Variants in GJD3 observed in about 807,000 individuals in gnomAD.
The protein encoded by GJD3 is gap junction delta-3 protein.
For synonymous variants in GJD3, 217 were observed against 226.7 expected (o/e 0.96, Z 0.38); for missense variants, 421 against 448.5 (o/e 0.94, Z 0.55).
rs766559789 is a variant in GJD3 at position 40,363,656 on chromosome 17, A to T, written c.160T>A (p.Cys54Ser). Residue 54 changes from cysteine to serine, a missense_variant, in exon 1 of 1, where the codon TGC becomes AGC. Coordinates refer to ENST00000578689, the MANE Select transcript of GJD3 (RefSeq NM_152219.4). The surrounding 1 kb of genome is among the most constrained non-coding windows in gnomAD (Gnocchi z 5.5). ...VFEDEQEEFV[C>S]NTLQPGCRQT... ...CGACAGCCCGGCTGCAGCGTGTTGC[A>T]CACGAACTCCTCTTGCTCGTCCTCG... 10 of 1,608,112 alleles carry T rather than the reference A, an allele frequency of 6.2e-6. No individual in the cohort carries two copies. The highest frequency in any genetic ancestry group is 1.7e-5 in the Admixed American group (1 of 59,484).
Position 40,363,176 on chromosome 17 carries a change from A to C in GJD3, c.640T>G (p.Trp214Gly). The C allele has an allele frequency of 6.9e-7, 1 of 1,440,808 alleles. No homozygotes were observed. Among genetic ancestry groups the C allele is most frequent in the Non-Finnish European group, 9.1e-7 (1 of 1,095,170 alleles). The allele number at this position is 1,440,808 out of a possible 1,614,324, so 89.3% of individuals were successfully genotyped here. The change falls in exon 1 of 1, where the codon TGG becomes GGG. Residue 214 changes from tryptophan (W) to glycine (G), a missense_variant. Coordinates refer to ENST00000578689, the MANE Select transcript of GJD3 (RefSeq NM_152219.4). The surrounding 1 kb of genome is among the most constrained non-coding windows in gnomAD (Gnocchi z 5.5). The stretch of plus-strand genomic sequence containing the variant: ...TCCCCGGCGCGCGGGCGGCCCTTCC[A>C]GAGCAGGTGGCCCAGCTCGGCTACG... ...LSVAELGHLL[W>G]KGRPRAGERD...
At position 40,361,655 on chromosome 17, in the gene GJD3, G is replaced by C. The variant is rs534316841; in HGVS notation, c.*1276C>G. ...CAGACGGGAGGGGAGACACAGGAGG[G>C]GGATGCGCTGCATAGGCAGCAGCTC... On this transcript the variant is annotated 3_prime_UTR_variant, in exon 1 of 1. Coordinates refer to ENST00000578689, the MANE Select transcript of GJD3 (RefSeq NM_152219.4). Among the ~76,000 whole-genome samples the C allele has an allele frequency of 1.2e-4, 19 of 152,306 alleles. No homozygotes were observed. Among genetic ancestry groups the C allele is most frequent in the African/African-American group, 4.3e-4 (18 of 41,572 alleles).
Position 40,364,051 on chromosome 17 carries a change from G to T in GJD3, c.-236C>A. 1.9e-6 allele frequency: 1 copy of T among 529,010 alleles called. No individual in the cohort carries two copies. The allele number at this position is 529,010 out of a possible 1,614,324, so 32.8% of individuals were successfully genotyped here. On this transcript the variant is annotated 5_prime_UTR_variant, in exon 1 of 1. Coordinates refer to ENST00000578689, the MANE Select transcript of GJD3 (RefSeq NM_152219.4). ...TACCTTCTCTTTGGGACCGATGGGT[G>T]CTGGGGAGGATCCCCCATTTGCATT...
At position 40,360,877 on chromosome 17, in the gene GJD3, A is replaced by G. The variant is rs1037414672; in HGVS notation, c.*2054T>C. The G allele has an allele frequency of 1.0e-4, 40 of 399,696 alleles. No homozygotes were observed. Among genetic ancestry groups the G allele is most frequent in the African/African-American group, 2.9e-4 (14 of 48,484 alleles). 24.8% of individuals were successfully genotyped at this position (399,696 alleles called of 1,614,324 possible). A position where few individuals can be genotyped will look rare whatever the true frequency, so the allele number is the denominator to read the frequency against. On this transcript the variant is annotated 3_prime_UTR_variant, in exon 1 of 1. Coordinates refer to ENST00000578689, the MANE Select transcript of GJD3 (RefSeq NM_152219.4). ...GGGTTGTGGACACAGAACTGTCATC[A>G]GAGAGATGGTGCCCACCATAGCATG...
chr17:40,361,517 G>A lies in GJD3; in HGVS notation c.*1414C>T, dbSNP rs1181728219. Reference sequence around the variant, plus strand: ...ATGGCGGGGAACGCACAGCCTGGTAGGCAGGATGCGGTGAGGCCCGCAAGG... The same window carrying A: ...ATGGCGGGGAACGCACAGCCTGGTAAGCAGGATGCGGTGAGGCCCGCAAGG... On this transcript the variant is annotated 3_prime_UTR_variant, in exon 1 of 1. Transcript: ENST00000578689. Among the ~76,000 whole-genome samples, 3 of 152,226 alleles carry A rather than the reference G, an allele frequency of 2.0e-5. No homozygotes were observed. In the South Asian group the frequency reaches 6.2e-4, roughly 32 times the overall value.
In GJD3 at chr17:40,361,005, G is replaced by C. The variant is rs1445858674; in HGVS notation, c.*1926C>G. On this transcript the variant is annotated 3_prime_UTR_variant, in exon 1 of 1. Transcript: ENST00000578689. The stretch of plus-strand genomic sequence containing the variant: ...ATACTACGTGCCATGGAAGGGGAGA[G>C]AGCAATGCCATCCTGCAGGAGAAGT... 4.4e-6 allele frequency: 2 copies of C among 456,668 alleles called. No homozygotes were observed. Among genetic ancestry groups the C allele is most frequent in the African/African-American group, 2.0e-5 (1 of 50,192 alleles). The allele number at this position is 456,668 out of a possible 1,614,324, so 28.3% of individuals were successfully genotyped here. A position where few individuals can be genotyped will look rare whatever the true frequency, so the allele number is the denominator to read the frequency against.
rs1261846144 is a variant in GJD3, at chr17:40,361,002, A to G, written c.*1929T>C. 3 of 456,494 alleles carry G rather than the reference A, an allele frequency of 6.6e-6. No homozygotes were observed. The highest frequency in any genetic ancestry group is 8.8e-6 in the Non-Finnish European group (2 of 226,934). The allele number at this position is 456,494 out of a possible 1,614,324, so 28.3% of individuals were successfully genotyped here. A position where few individuals can be genotyped will look rare whatever the true frequency, so the allele number is the denominator to read the frequency against. Reference sequence around the variant, plus strand: ...CACATACTACGTGCCATGGAAGGGGAGAGAGCAATGCCATCCTGCAGGAGA... The same window carrying G: ...CACATACTACGTGCCATGGAAGGGGGGAGAGCAATGCCATCCTGCAGGAGA... On this transcript the variant is annotated 3_prime_UTR_variant, in exon 1 of 1. Transcript: ENST00000578689.
In GJD3 at chr17:40,364,106, CGACCCTGG is replaced by C. The variant is rs1567773141; in HGVS notation, c.-299_-292del. The C allele has an allele frequency of 2.8e-6, 1 of 355,982 alleles. No individual in the cohort carries two copies. The highest frequency in any genetic ancestry group is 5.4e-6 in the Non-Finnish European group (1 of 183,888). 22.1% of individuals were successfully genotyped at this position (355,982 alleles called of 1,614,324 possible). On this transcript the variant is annotated 5_prime_UTR_variant, in exon 1 of 1. Coordinates refer to ENST00000578689, the MANE Select transcript of GJD3 (RefSeq NM_152219.4). Reference sequence around the variant, plus strand: ...CCGCACCCCCTGAGCCGTCTCCGTTCGACCCTGGGATCCTCCAGATCCCAGATTCTTAG... The same window carrying C: ...CCGCACCCCCTGAGCCGTCTCCGTTCGATCCTCCAGATCCCAGATTCTTAG...
At position 40,362,771 on chromosome 17, in the gene GJD3, G is replaced by T. The variant is rs1439048676; in HGVS notation, c.*160C>A. On this transcript the variant is annotated 3_prime_UTR_variant, in exon 1 of 1. Transcript: ENST00000578689. ...GGCAGCCACTGGGAGGCAGTACGAG[G>T]CAAGTGCGATGCCGCCCGCGGGCCG... 1.3e-5 allele frequency among the ~76,000 whole-genome samples: 2 copies of T among 152,244 alleles called. No individual in the cohort carries two copies. Among genetic ancestry groups the T allele is most frequent in the African/African-American group, 4.8e-5 (2 of 41,470 alleles).
Position 40,362,923 on chromosome 17 carries a change from G to A in GJD3, c.*8C>T. ...CGCCGTCCAGTCCGCGCGAGGCGGT[G>A]CCCGCCCCTAGATGGCCAGATCTCG... On this transcript the variant is annotated 3_prime_UTR_variant, in exon 1 of 1. Coordinates refer to ENST00000578689, the MANE Select transcript of GJD3 (RefSeq NM_152219.4). The A allele has an allele frequency of 8.2e-7, 1 of 1,215,962 alleles. No individual in the cohort carries two copies. 75.3% of individuals were successfully genotyped at this position (1,215,962 alleles called of 1,614,324 possible).
chr17:40,363,990 G>A lies in GJD3; in HGVS notation c.-175C>T, dbSNP rs1320673647. On this transcript the variant is annotated 5_prime_UTR_variant, in exon 1 of 1. Transcript: ENST00000578689. This position sits in a 1 kb window ranked among gnomAD's most constrained non-coding sequence, Gnocchi z 5.5. ...CAGTATGAAACGGAGGGCCACGGGAGGGCCCGAGGGGAGCAGGCGACGCTC... is the reference window on the plus strand; with the variant it reads ...CAGTATGAAACGGAGGGCCACGGGAAGGCCCGAGGGGAGCAGGCGACGCTC... 11 of 819,678 alleles carry A rather than the reference G, an allele frequency of 1.3e-5. No individual in the cohort carries two copies. The highest frequency in any genetic ancestry group is 2.1e-5 in the Non-Finnish European group (11 of 525,036). 50.8% of individuals were successfully genotyped at this position (819,678 alleles called of 1,614,324 possible).
Position 40,362,986 on chromosome 17 carries a change from C to T in GJD3, c.830G>A (p.Gly277Asp). The T allele has an allele frequency of 8.1e-7, 1 of 1,231,062 alleles. No individual in the cohort carries two copies. The highest frequency in any genetic ancestry group is 1.0e-6 in the Non-Finnish European group (1 of 985,538). 76.3% of individuals were successfully genotyped at this position (1,231,062 alleles called of 1,614,324 possible). ...CGGTGACGCCTTGCCGCGGCCGCTG[C>T]CGCACTCGCGGAGGCTGGCCGGCGC... ...HPAPASLREC[G>D]SGRGKASPAT... The change falls in exon 1 of 1, where the codon GGC becomes GAC. Residue 277 changes from glycine to aspartate, a missense_variant. By Grantham distance (94) the Gly-to-Asp change is moderately conservative. Transcript: ENST00000578689.
Position 40,363,718 on chromosome 17 carries a change from C to T in GJD3, c.98G>A (p.Arg33His). 1 of 1,610,076 alleles carries T rather than the reference C, an allele frequency of 6.2e-7. No homozygotes were observed. The highest frequency in any genetic ancestry group is 8.5e-7 in the Non-Finnish European group (1 of 1,179,272). ...GCCCACCGTGGCCAGCACCAGGATG[C>T]GGAAGATCAGCATGACCACCAGCCA... The part of the protein sequence containing the change: ...RLWLVVMLIF[R>H]ILVLATVGGA... The change falls in exon 1 of 1, where the codon CGC (arginine) becomes CAC (histidine). Residue 33 changes from arginine to histidine, a missense_variant. By Grantham distance (29) the Arg-to-His change is conservative (BLOSUM62 0). Coordinates refer to ENST00000578689, the MANE Select transcript of GJD3 (RefSeq NM_152219.4). The surrounding 1 kb of genome is among the most constrained non-coding windows in gnomAD (Gnocchi z 5.5).
Position 40,363,333 on chromosome 17 carries a change from G to T in GJD3, c.483C>A (p.Arg161=). ...LGGQALLYGF[R]VAPHFACAGP... ...CGGCGCACGCGAAGTGCGGGGCCACGCGGAAGCCGTAGAGCAGCGCCTGGC... is the reference window on the plus strand; with the variant it reads ...CGGCGCACGCGAAGTGCGGGGCCACTCGGAAGCCGTAGAGCAGCGCCTGGC... The change falls in exon 1 of 1, where the codon CGC becomes CGA. Residue 161 remains arginine (R), a synonymous_variant. Transcript: ENST00000578689. The surrounding 1 kb of genome is among the most constrained non-coding windows in gnomAD (Gnocchi z 5.5). 7.1e-7 allele frequency: 1 copy of T among 1,417,356 alleles called. No individual in the cohort carries two copies. The allele number at this position is 1,417,356 out of a possible 1,614,324, so 87.8% of individuals were successfully genotyped here. A position where few individuals can be genotyped will look rare whatever the true frequency, so the allele number is the denominator to read the frequency against.
rs1333532621 is a variant in GJD3, at chr17:40,363,469, C to G, written c.347G>C (p.Gly116Ala). Residue 116 changes from glycine to alanine, a missense_variant, in exon 1 of 1, where the codon GGA becomes GCA. Coordinates refer to ENST00000578689, the MANE Select transcript of GJD3 (RefSeq NM_152219.4). The surrounding 1 kb of genome is among the most constrained non-coding windows in gnomAD (Gnocchi z 5.5). ...GAEAAAQCAP[G>A]LPEAQCAPCA... is the part of the protein sequence containing the mutation. ...CGGCGCGCACTGGGCCTCGGGCAGT[C>G]CGGGGGCGCACTGCGCCGCCGCCTC... is the stretch of plus-strand genomic sequence containing the variant. 4 of 1,527,098 alleles carry G rather than the reference C, an allele frequency of 2.6e-6. No individual in the cohort carries two copies. The highest frequency in any genetic ancestry group is 4.0e-5 in the Admixed American group (2 of 49,808). 94.6% of individuals were successfully genotyped at this position (1,527,098 alleles called of 1,614,324 possible). A position where few individuals can be genotyped will look rare whatever the true frequency, so the allele number is the denominator to read the frequency against.
Position 40,362,693 on chromosome 17 carries a change from G to A in GJD3, c.*238C>T, listed in dbSNP as rs1000177893. ...TTTCCACCTGGGTGGTGGCATCCAG[G>A]ACCTGCCTGAGTTCATTCTCCGCCC... On this transcript the variant is annotated 3_prime_UTR_variant, in exon 1 of 1. Transcript: ENST00000578689. Among the ~76,000 whole-genome samples, 5 of 152,198 alleles carry A rather than the reference G, an allele frequency of 3.3e-5. No homozygotes were observed. The highest frequency in any genetic ancestry group is 1.2e-4 in the African/African-American group (5 of 41,462).
At position 40,361,550 on chromosome 17, in the gene GJD3, C is replaced by G. The variant is rs1293771563; in HGVS notation, c.*1381G>C. ...GCGGTGAGGCCCGCAAGGTGCAGTCCGATGACGGCCCCTGGATTTCTCGCT... is the reference window on the plus strand; with the variant it reads ...GCGGTGAGGCCCGCAAGGTGCAGTCGGATGACGGCCCCTGGATTTCTCGCT... On this transcript the variant is annotated 3_prime_UTR_variant, in exon 1 of 1. Coordinates refer to ENST00000578689, the MANE Select transcript of GJD3 (RefSeq NM_152219.4). Among the ~76,000 whole-genome samples the G allele has an allele frequency of 1.3e-5, 2 of 152,142 alleles. No individual in the cohort carries two copies. The highest frequency in any genetic ancestry group is 2.9e-5 in the Non-Finnish European group (2 of 68,016).
Position 40,362,921 on chromosome 17 carries a change from G to A in GJD3, c.*10C>T. 8.2e-7 allele frequency: 1 copy of A among 1,215,078 alleles called. No individual in the cohort carries two copies. The highest frequency in any genetic ancestry group is 1.0e-6 in the Non-Finnish European group (1 of 974,994). 75.3% of individuals were successfully genotyped at this position (1,215,078 alleles called of 1,614,324 possible). A position where few individuals can be genotyped will look rare whatever the true frequency, so the allele number is the denominator to read the frequency against. ...CTCGCCGTCCAGTCCGCGCGAGGCG[G>A]TGCCCGCCCCTAGATGGCCAGATCT... On this transcript the variant is annotated 3_prime_UTR_variant, in exon 1 of 1. Transcript: ENST00000578689.
At position 40,364,647 on chromosome 17, in the gene GJD3, C is replaced by G. The variant is rs1211182646; in HGVS notation, c.-832G>C. The G allele has an allele frequency of 6.0e-6, 1 of 167,192 alleles. No individual in the cohort carries two copies. Among genetic ancestry groups the G allele is most frequent in the Non-Finnish European group, 1.5e-5 (1 of 68,602 alleles). 10.4% of individuals were successfully genotyped at this position (167,192 alleles called of 1,614,324 possible). ...TGGGGTGTCAGAGCTGAGCCAGGGA[C>G]CTTGGGAGGTGGCTGGGACCGGCGC... On this transcript the variant is annotated 5_prime_UTR_variant, in exon 1 of 1. Coordinates refer to ENST00000578689, the MANE Select transcript of GJD3 (RefSeq NM_152219.4).
Sources: gnomAD v4.1 joint callset for allele counts (sites outside exome capture counted in the v4.1 genomes callset) on GRCh38, gnomAD v4.1.1 for gene constraint, Gnocchi (gnomAD v3.1) non-coding constraint, MANE v1.5 for transcripts, NCBI Gene and HGNC (gene_info 2026-07-23, HGNC 2026-07-21) for gene names.